Variants in EMC2 observed in about 807,000 individuals in gnomAD.
The protein encoded by EMC2 is TPR repeat protein 35.
In EMC2, 37 loss-of-function variants were observed where a neutral mutation model predicts 51.6. The ratio of observed to expected loss-of-function variants is 0.72; its 90% CI spans 0.55 to 0.94. The LOEUF (loss-of-function observed/expected upper bound fraction) is 0.94. Ranked by LOEUF, EMC2 falls within the 40% of genes least tolerant of loss-of-function variation. The pLI is 0.00. For synonymous variants in EMC2, 131 were observed against 112.4 expected (o/e 1.17, Z -1.04); for missense variants, 359 against 350.9 (o/e 1.02, Z -0.18).
rs1030854614 is a variant in EMC2 at position 108,489,076 on chromosome 8, A to G, written c.*2478A>G. 3.9e-5 allele frequency among the ~76,000 whole-genome samples: 6 copies of G among 152,346 alleles called. No homozygotes were observed. The highest frequency in any genetic ancestry group is 2.9e-5 in the Non-Finnish European group (2 of 68,026). On this transcript the variant is annotated 3_prime_UTR_variant, in exon 11 of 11. Coordinates refer to ENST00000220853, the MANE Select transcript of EMC2 (RefSeq NM_014673.5). ...TACATTTCAGAGATAGAACTGAAGG[A>G]GGATTAAGGGGATCCTGGGTCCCTG...
intron 1 of EMC2, among the ~76,000 whole-genome samples, chr8:108,449,271 C>A: frequency 9.0e-6 from 1 of 111,586 alleles, no homozygotes; most frequent in Non-Finnish European, 1.7e-5. Context: ...TGCCACCATG[C>A]TGCCTTTTTT....
intron 5 of EMC2, among the ~76,000 whole-genome samples, chr8:108,456,674 A>G (rs1232267301): frequency 6.6e-6 from 1 of 152,192 alleles, no homozygotes; most frequent in Non-Finnish European, 1.5e-5. Flanking sequence ...GAAGATACCT[A>G]TATAGTAGTA....
intron 7 of EMC2, among the ~76,000 whole-genome samples, chr8:108,471,245 AT>A (rs751289412): frequency 2.9e-4 from 44 of 152,082 alleles, no homozygotes; most frequent in Admixed American, 8.5e-4. Flanking sequence ...TATAATACTT[AT>A]ATTTAAATAC....
intron 10 of EMC2, among the ~76,000 whole-genome samples, chr8:108,483,312 A>G (rs1309473508): frequency 1.3e-5 from 2 of 152,136 alleles, no homozygotes; most frequent in Non-Finnish European, 2.9e-5. Context: ...ACAAATGTGT[A>G]CATCCCCTTA....
chr8:108,463,698 G>A (rs955931709), intron 5 of EMC2, among the ~76,000 whole-genome samples: 7 of 151,606 alleles, frequency 4.6e-5, no homozygotes, highest in African/African-American at 1.2e-4. Flanking sequence ...GGTTTTTTTC[G>A]GTGAGGGGAG....
intron 7 of EMC2, among the ~76,000 whole-genome samples, chr8:108,472,096 CTT>C (rs1810867888): frequency 6.6e-6 from 1 of 151,920 alleles, no homozygotes; most frequent in South Asian, 2.1e-4. Context: ...ATTATAGAAA[CTT>C]TACATTTTTA....
chr8:108,452,224 G>A (rs532053780), intron 3 of EMC2, among the ~76,000 whole-genome samples: 85 of 152,250 alleles, frequency 5.6e-4, no homozygotes, highest in African/African-American at 1.5e-3. Flanking sequence ...TATTCCATCC[G>A]TTTAATGTCT....
Position 108,486,522 on chromosome 8 carries a change from G to A in EMC2, c.818G>A (p.Arg273Gln), listed in dbSNP as rs766224595. 1.1e-5 allele frequency: 17 copies of A among 1,551,690 alleles called. No homozygotes were observed. The highest frequency in any genetic ancestry group is 1.8e-4 in the Middle Eastern group (1 of 5,650). ...QINRAYQFAG[R>Q]SKKETKYSLK... ...TTTTTTTTTAATTAGTTTGCAGGTC[G>A]AAGTAAGAAGGAAACCAAATATTCT... Residue 273 changes from arginine (R) to glutamine (Q), a missense_variant, in exon 11 of 11, where the codon CGA (arginine) becomes CAA (glutamine). Coordinates refer to ENST00000220853, the MANE Select transcript of EMC2 (RefSeq NM_014673.5).
At chr8:108,465,902 A>G (rs1394418778) in intron 5 of EMC2, among the ~76,000 whole-genome samples, 1 of 152,226 alleles carries the variant, frequency 6.6e-6, no homozygotes, top group African/African-American at 2.4e-5. Flanking sequence ...AACTGAGAAA[A>G]AGCTGCAGCT....
At chr8:108,458,293 T>G (rs1329421418) in intron 5 of EMC2, among the ~76,000 whole-genome samples, 2 of 152,218 alleles carry the variant, frequency 1.3e-5, no homozygotes, top group African/African-American at 4.8e-5. Flanking sequence ...TTCTGGGGTC[T>G]GGAGGACGGT....
intron 5 of EMC2, among the ~76,000 whole-genome samples, chr8:108,467,868 G>A (rs944167781): frequency 1.3e-5 from 2 of 152,158 alleles, no homozygotes; most frequent in South Asian, 2.1e-4. Context: ...GGTTTAACAC[G>A]TAAACATTAA....
chr8:108,475,741 C>A, intron 7 of EMC2, 141 bp from the exon 8 acceptor site: 1 of 540,612 alleles, frequency 1.8e-6, no homozygotes, highest in Non-Finnish European at 3.3e-6. Context: ...ATGACAAATA[C>A]TTTATTAATA....
At chr8:108,451,902 C>T (rs1482295721) in intron 3 of EMC2, among the ~76,000 whole-genome samples, 2 of 152,160 alleles carry the variant, frequency 1.3e-5, no homozygotes, top group Admixed American at 6.5e-5. Context: ...CATATCTTCA[C>T]TTTTGATTAA....
In EMC2 at chr8:108,443,649, T is replaced by A. The variant is rs768309326; in HGVS notation, c.-10T>A. 1.2e-6 allele frequency: 2 copies of A among 1,608,034 alleles called. No homozygotes were observed. Among genetic ancestry groups the A allele is most frequent in the African/African-American group, 2.7e-5 (2 of 74,798 alleles). ...GCCCTCTCACCCCGCTGCCTCTAGG[T>A]TCTGGGAAGATGGCGAAGGTCTCAG... On this transcript the variant is annotated 5_prime_UTR_variant, in exon 1 of 11. Coordinates refer to ENST00000220853, the MANE Select transcript of EMC2 (RefSeq NM_014673.5).
intron 5 of EMC2, among the ~76,000 whole-genome samples, chr8:108,466,518 T>TTA (rs201912286): frequency 0.027 from 3,875 of 144,404 alleles, 77 homozygotes; most frequent in South Asian, 0.06. Context: ...AGTGAGGCAA[T>TTA]TATAGCTCAC....
chr8:108,476,724 A>G (rs774087945), intron 8 of EMC2, 58 bp from the exon 9 acceptor site: 1 of 776,140 alleles, frequency 1.3e-6, no homozygotes, highest in African/African-American at 1.7e-5. Flanking sequence ...TGATGAAACC[A>G]TGCTATATTT....
chr8:108,455,821 C>T, intron 4 of EMC2, 52 bp from the exon 5 acceptor site: 1 of 640,106 alleles, frequency 1.6e-6, no homozygotes, highest in Non-Finnish European at 2.6e-6. Context: ...TACTATTTAT[C>T]ACTATATTTT....
chr8:108,454,305 C>G (rs1340237945), intron 4 of EMC2, among the ~76,000 whole-genome samples: 2 of 151,944 alleles, frequency 1.3e-5, no homozygotes, highest in African/African-American at 4.8e-5. Context: ...TTGTTTTCTG[C>G]CTTCTCTGAT....
intron 10 of EMC2, among the ~76,000 whole-genome samples, chr8:108,485,409 T>C (rs897427401): frequency 1.4e-5 from 2 of 144,572 alleles, no homozygotes; most frequent in Non-Finnish European, 3.0e-5. Flanking sequence ...ATGGGTAACA[T>C]ATATATATAT....
Sources: allele counts gnomAD v4.1 joint callset (sites outside exome capture counted in the v4.1 genomes callset), GRCh38; gene constraint gnomAD v4.1.1; transcripts MANE v1.5; gene names NCBI Gene and HGNC (gene_info 2026-07-23, HGNC 2026-07-21).